The following ZNF682 variants were observed in gnomAD, a reference collection of about 807,000 sequenced individuals.
The protein encoded by ZNF682 is zinc finger protein 682.
A neutral mutation model predicts 36.5 loss-of-function variants in ZNF682; 29 were observed. The ratio of observed to expected loss-of-function variants is 0.80; its 90% CI spans 0.59 to 1.08. ZNF682 has a LOEUF of 1.08. ZNF682 is among the 50% of genes least tolerant of loss of function. The pLI, the probability that ZNF682 is intolerant of heterozygous loss-of-function variation, is 0.00. For missense variants in ZNF682, 561 were observed against 579.7 expected (o/e 0.97, Z 0.33); for synonymous variants, 180 against 197.0 (o/e 0.91, Z 0.72).
At chr19:20,003,114 C>A (rs2088181015), downstream of ZNF682, among the ~76,000 whole-genome samples, 1 of 132,848 alleles carries the variant, frequency 7.5e-6, no homozygotes, top group African/African-American at 2.7e-5. Flanking sequence ...TGGCGTGCAC[C>A]CGGGAGGCGG....
intron 3 of ZNF682, among the ~76,000 whole-genome samples, chr19:20,018,875 C>T (rs1162541695): frequency 6.6e-6 from 1 of 152,018 alleles, no homozygotes; most frequent in African/African-American, 2.4e-5. Flanking sequence ...AAATCAAATG[C>T]ATAAGGAACA....
Position 20,006,359 on chromosome 19 carries a change from G to T in ZNF682, c.1143C>A (p.Phe381Leu). Residue 381 changes from phenylalanine (F) to leucine (L), a missense_variant, in exon 4 of 4, where the codon TTC (phenylalanine) becomes TTA (leucine). Physicochemically the swap from Phe to Leu is conservative, Grantham distance 22. Transcript: ENST00000397165. The stretch of plus-strand genomic sequence containing the variant: ...TTCTCTTGTGTTTAGTAAGGTATGA[G>T]AACCTCTTAAAGACTTTGTCACATT... ...CEKCDKVFKR[F>L]SYLTKHKRIH... 6.2e-7 allele frequency: 1 copy of T among 1,613,284 alleles called. No homozygotes were observed. The highest frequency in any genetic ancestry group is 8.5e-7 in the Non-Finnish European group (1 of 1,179,928).
In ZNF682 at chr19:20,020,869, T is replaced by C. The variant is rs1301468295; in HGVS notation, c.226+2135A>G. Reference sequence around the variant, plus strand: ...GGGTAATCTAAAAAGGATGAACTCATAGAAACAGAGAGTACAAAGCTGGTT... The same window carrying C: ...GGGTAATCTAAAAAGGATGAACTCACAGAAACAGAGAGTACAAAGCTGGTT... On this transcript the variant is annotated intron_variant, in intron 3 of 3. Coordinates refer to ENST00000397165, the MANE Select transcript of ZNF682 (RefSeq NM_033196.3). 3.9e-5 allele frequency among the ~76,000 whole-genome samples: 6 copies of C among 152,184 alleles called. No individual in the cohort carries two copies. The South Asian group carries it at 6.2e-4, about 16-fold the overall frequency.
At chr19:20,016,205 G>A (rs1026569706) in intron 3 of ZNF682, among the ~76,000 whole-genome samples, 3 of 152,126 alleles carry the variant, frequency 2.0e-5, no homozygotes, top group African/African-American at 7.2e-5. Flanking sequence ...CAGCTACTTG[G>A]GGGGCTGAGT....
intron 3 of ZNF682, 124 bp downstream of exon 3, chr19:20,022,880 C>A: frequency 1.3e-6 from 1 of 795,328 alleles, no homozygotes; most frequent in South Asian, 1.8e-5. Flanking sequence ...CAAGAATAAA[C>A]AATCACGTTC....
chr19:20,015,655 A>G (rs2088328438), intron 3 of ZNF682: 1 of 385,770 alleles, frequency 2.6e-6, no homozygotes, highest in Non-Finnish European at 4.6e-6. Flanking sequence ...GCTATCCATA[A>G]AAAGCATACA....
At chr19:20,019,848 C>G (rs894384680) in intron 3 of ZNF682, among the ~76,000 whole-genome samples, 2 of 151,976 alleles carry the variant, frequency 1.3e-5, no homozygotes, top group East Asian at 3.9e-4. Flanking sequence ...ACCCTAAAAG[C>G]ACTGACTTCA....
chr19:20,012,028 C>A (rs1348791068), intron 3 of ZNF682, among the ~76,000 whole-genome samples: 3 of 151,414 alleles, frequency 2.0e-5, no homozygotes, highest in Non-Finnish European at 4.4e-5. Context: ...CAGAGTGAGA[C>A]TCCATCTCAA....
chr19:20,012,924 G>A (rs903786868), intron 3 of ZNF682, among the ~76,000 whole-genome samples: 5 of 151,782 alleles, frequency 3.3e-5, no homozygotes, highest in Non-Finnish European at 7.4e-5. Flanking sequence ...AGGACAAACA[G>A]CAACAAAAAT....
chr19:20,038,765 A>G (rs914036250), intron 1 of ZNF682, among the ~76,000 whole-genome samples: 1 of 152,220 alleles, frequency 6.6e-6, no homozygotes, highest in African/African-American at 2.4e-5. Context: ...TAGTCTAAAT[A>G]AGATGACTAC....
At chr19:20,011,711 G>C (rs2088289853) in intron 3 of ZNF682, among the ~76,000 whole-genome samples, 1 of 152,112 alleles carries the variant, frequency 6.6e-6, no homozygotes, top group Non-Finnish European at 1.5e-5. Context: ...ATGAAATTAA[G>C]GCAGAAATCA....
Position 20,006,282 on chromosome 19 carries a change from T to G in ZNF682, c.1220A>C (p.Asn407Thr), listed in dbSNP as rs1172699438. The G allele has an allele frequency of 1.2e-6, 2 of 1,613,626 alleles. No homozygotes were observed. Among genetic ancestry groups the G allele is most frequent in the Admixed American group, 1.7e-5 (1 of 60,004 alleles). The change falls in exon 4 of 4, where the codon AAC becomes ACC. Residue 407 changes from asparagine (N) to threonine (T), a missense_variant. Asn to Thr is a moderately conservative substitution (Grantham distance 65). Coordinates refer to ENST00000397165, the MANE Select transcript of ZNF682 (RefSeq NM_033196.3). Reference sequence around the variant, plus strand: ...ATGTTCAGTAAGGATTGAGGACCAGTTAAAAGCTTTGCCACATTCTTCACA... The same window carrying G: ...ATGTTCAGTAAGGATTGAGGACCAGGTAAAAGCTTTGCCACATTCTTCACA... ...YKCEECGKAF[N>T]WSSILTEHKR...
chr19:20,039,226 T>C, intron 1 of ZNF682, 117 bp downstream of exon 1: 3 of 1,510,690 alleles, frequency 2.0e-6, no homozygotes, highest in Non-Finnish European at 2.7e-6. Flanking sequence ...TGCCGGGGAC[T>C]CCAGTCCGCA....
chr19:20,027,349 G>A (rs183153827), intron 1 of ZNF682, among the ~76,000 whole-genome samples: 203 of 152,310 alleles, frequency 1.3e-3, no homozygotes, highest in South Asian at 2.5e-3. Flanking sequence ...CCTGCCTTTA[G>A]ATGCCCTTCC....
At chr19:20,026,876 AAG>A (rs1425598862) in intron 1 of ZNF682, among the ~76,000 whole-genome samples, 3 of 152,194 alleles carry the variant, frequency 2.0e-5, no homozygotes, top group Non-Finnish European at 4.4e-5. Flanking sequence ...TGATATATAA[AAG>A]AGAAGTATTT....
chr19:19,995,759 GA>G (rs201349065), downstream of ZNF682, among the ~76,000 whole-genome samples: 2,088 of 123,536 alleles, frequency 0.017, 21 homozygotes, highest in Middle Eastern at 0.021. Context: ...ACATGAAGAG[GA>G]AAAAAAAAAA....
At chr19:20,021,084 A>G (rs978119624) in intron 3 of ZNF682, among the ~76,000 whole-genome samples, 15 of 152,174 alleles carry the variant, frequency 9.9e-5, no homozygotes, top group African/African-American at 3.6e-4. Context: ...TGGGCCACGC[A>G]TAAAATACAC....
intron 3 of ZNF682, 33 bp from the exon 4 acceptor site, chr19:20,007,308 G>C: frequency 2.0e-6 from 3 of 1,535,118 alleles, no homozygotes; most frequent in Non-Finnish European, 2.6e-6. Flanking sequence ...TATCCCACTT[G>C]TTATTTTCAG....
At chr19:20,022,554 T>C (rs2088395032) in intron 3 of ZNF682, among the ~76,000 whole-genome samples, 2 of 151,824 alleles carry the variant, frequency 1.3e-5, no homozygotes, top group Admixed American at 1.3e-4. Context: ...TCCCAGCTAC[T>C]CGGGAGGCTG....
Sources: gnomAD v4.1 joint callset for allele counts (sites outside exome capture counted in the v4.1 genomes callset) on GRCh38, gnomAD v4.1.1 for gene constraint, MANE v1.5 for transcripts, NCBI Gene and HGNC (gene_info 2026-07-23, HGNC 2026-07-21) for gene names.